Variants in GID4 observed in about 807,000 individuals in gnomAD.
The protein encoded by GID4 is GID complex subunit 4 homolog.
Under a neutral mutation model 32.4 loss-of-function variants are expected in GID4, and 7 were observed. The observed-to-expected ratio is 0.22, with a 90% CI of 0.12 to 0.41. GID4 has a LOEUF of 0.41. Ranked by LOEUF, GID4 falls within the 10% of genes least tolerant of loss-of-function variation. GID4 has a pLI of 1.00. For missense variants in GID4, 309 were observed against 400.0 expected (o/e 0.77, Z 1.94); for synonymous variants, 166 against 170.0 (o/e 0.98, Z 0.18).
At chr17:18,049,123 G>A (rs1387846198) in intron 2 of GID4, among the ~76,000 whole-genome samples, 2 of 151,386 alleles carry the variant, frequency 1.3e-5, no homozygotes, top group Non-Finnish European at 2.9e-5. Context: ...ATCGCCTGAG[G>A]TCAGGAGTTT....
chr17:18,051,110 T>A (rs2044905172), intron 2 of GID4, among the ~76,000 whole-genome samples: 2 of 152,194 alleles, frequency 1.3e-5, no homozygotes, highest in Admixed American at 6.5e-5. Context: ...GAATTATTCA[T>A]TAAGAAAACT....
rs748294787 is a variant in GID4 at position 18,056,743 on chromosome 17, G to A, written c.607-2125G>A. 4 of 1,550,608 alleles carry A rather than the reference G, an allele frequency of 2.6e-6. No individual in the cohort carries two copies. The South Asian group carries it at 4.8e-5, about 18-fold the overall frequency. ...CTGGATCTGCAGACTCTGCTAGACT[G>A]GACTGAAACATTTTGGGTGAGAGAG... On this transcript the variant is annotated intron_variant, in intron 3 of 5. Coordinates refer to ENST00000268719, the MANE Select transcript of GID4 (RefSeq NM_024052.5).
Position 18,068,193 on chromosome 17 carries a change from TACTA to T in GID4, c.*2953_*2956del, listed in dbSNP as rs752640831. On this transcript the variant is annotated 3_prime_UTR_variant, in exon 6 of 6. Transcript: ENST00000268719. ...ACTGTGTTGTATCGTGGTTTAAAAT[TACTA>T]ACAAGTTGTGGGAAAGAAAAATAAT... 16 of 152,778 alleles carry T rather than the reference TACTA, an allele frequency of 1.0e-4. No individual in the cohort carries two copies. The highest frequency in any genetic ancestry group is 2.6e-4 in the Admixed American group (4 of 15,304). 9.5% of individuals were successfully genotyped at this position (152,778 alleles called of 1,614,324 possible).
At chr17:18,045,286 T>C in intron 2 of GID4, 80 bp downstream of exon 2, 2 of 1,060,402 alleles carry the variant, frequency 1.9e-6, no homozygotes, top group Non-Finnish European at 2.9e-6. Context: ...GGGCAGGCGG[T>C]CTCAACTCCT....
rs200356540 is a variant in GID4, at chr17:18,057,388, T to C, written c.607-1480T>C. 263 of 201,290 alleles carry C rather than the reference T, an allele frequency of 1.3e-3. 4 individuals are homozygous for C. The highest frequency in any genetic ancestry group is 9.6e-3 in the East Asian group (80 of 8,304). The allele number at this position is 201,290 out of a possible 1,614,324, so 12.5% of individuals were successfully genotyped here. A position where few individuals can be genotyped will look rare whatever the true frequency, so the allele number is the denominator to read the frequency against. ...CGGAGATTGCAGTGAGCTGAGATCA[T>C]GCCATTGCACTCCAGCCTGAGCAAC... On this transcript the variant is annotated intron_variant, in intron 3 of 5. Transcript: ENST00000268719.
Position 18,061,148 on chromosome 17 carries a change from T to C in GID4, c.709-697T>C, listed in dbSNP as rs1474348838. On this transcript the variant is annotated intron_variant, in intron 4 of 5. Transcript: ENST00000268719. The surrounding 1 kb of genome is among the most constrained non-coding windows in gnomAD (Gnocchi z 4.4). ...GCTTGTTTTGCCTCCAAAGAATGTC[T>C]CAGAGTGGCTCATCTGTGGTCCTTT... Among the ~76,000 whole-genome samples the C allele has an allele frequency of 6.6e-6, 1 of 152,242 alleles. No individual in the cohort carries two copies. Among genetic ancestry groups the C allele is most frequent in the Non-Finnish European group, 1.5e-5 (1 of 68,046 alleles).
Position 18,045,203 on chromosome 17 carries a change from T to G in GID4, c.495T>G (p.Thr165=). 6.2e-7 allele frequency: 1 copy of G among 1,612,658 alleles called. No homozygotes were observed. The highest frequency in any genetic ancestry group is 8.5e-7 in the Non-Finnish European group (1 of 1,178,668). The change falls in exon 2 of 6, where the codon ACT becomes ACG. Residue 165 remains threonine (T), a synonymous_variant. Coordinates refer to ENST00000268719, the MANE Select transcript of GID4 (RefSeq NM_024052.5). The stretch of plus-strand genomic sequence containing the variant: ...GGTACTTGAAGATTAAAGGCCTTAC[T>G]GAGGTAAGCACTTGCTCACACAAAC... ...LCGYLKIKGL[T]EEYPTLTTFF...
intron 2 of GID4, among the ~76,000 whole-genome samples, chr17:18,047,568 G>A (rs989622683): frequency 6.6e-6 from 1 of 152,252 alleles, no homozygotes; most frequent in Non-Finnish European, 1.5e-5. Flanking sequence ...CTCCTTTGAG[G>A]AGGGGGCACT....
chr17:18,052,500 G>C (rs754183149), intron 2 of GID4, among the ~76,000 whole-genome samples: 1 of 152,148 alleles, frequency 6.6e-6, no homozygotes, highest in Non-Finnish European at 1.5e-5. Context: ...AAGGAAAAAC[G>C]TGGGCCTTCT....
At chr17:18,040,412 C>A (rs899507861) in intron 1 of GID4, among the ~76,000 whole-genome samples, 11 of 152,300 alleles carry the variant, frequency 7.2e-5, no homozygotes, top group South Asian at 2.1e-4. Flanking sequence ...GGTCTTCCTC[C>A]TCCTGAGATC....
chr17:18,051,689 T>C (rs900422275), intron 2 of GID4, among the ~76,000 whole-genome samples: 3 of 146,172 alleles, frequency 2.1e-5, no homozygotes, highest in Non-Finnish European at 3.0e-5. Context: ...AAAAAAAAAA[T>C]AGCTTCTAGT....
At chr17:18,049,064 A>G (rs1185059916) in intron 2 of GID4, among the ~76,000 whole-genome samples, 1 of 151,922 alleles carries the variant, frequency 6.6e-6, no homozygotes, top group Non-Finnish European at 1.5e-5. Context: ...GGCCAGGCAC[A>G]GTGGCTCATG....
chr17:18,056,839 G>A (rs1210181026), intron 3 of GID4: 1 of 1,550,432 alleles, frequency 6.4e-7, no homozygotes, highest in Non-Finnish European at 8.7e-7. Flanking sequence ...CCTATGGAGT[G>A]CTTCCTCCTC....
intron 2 of GID4, among the ~76,000 whole-genome samples, chr17:18,051,654 G>A (rs1164540841): frequency 6.6e-6 from 1 of 150,414 alleles, no homozygotes; most frequent in Non-Finnish European, 1.5e-5. Flanking sequence ...CAGCCTGGGC[G>A]ACAGAGCGAG....
At position 18,050,033 on chromosome 17, in the gene GID4, C is replaced by A. The variant is rs983006889; in HGVS notation, c.499-4094C>A. Among the ~76,000 whole-genome samples the A allele has an allele frequency of 2.6e-5, 4 of 152,290 alleles. No homozygotes were observed. The South Asian group carries it at 8.3e-4, about 32-fold the overall frequency. On this transcript the variant is annotated intron_variant, in intron 2 of 5. Coordinates refer to ENST00000268719, the MANE Select transcript of GID4 (RefSeq NM_024052.5). ...TAAGGATAACGGCCTCTAGCTCTAC[C>A]CGTGTTCACGCAAAAGACATGATCT... is the stretch of plus-strand genomic sequence containing the variant.
intron 4 of GID4, among the ~76,000 whole-genome samples, chr17:18,060,400 C>CAAAA (rs919974638): frequency 1.2e-3 from 56 of 45,314 alleles, no homozygotes; most frequent in East Asian, 2.0e-3. Flanking sequence ...TCTGTCTCAC[C>CAAAA]AAAAAAAAAA....
At chr17:18,049,897 T>C (rs1307423013) in intron 2 of GID4, among the ~76,000 whole-genome samples, 2 of 152,218 alleles carry the variant, frequency 1.3e-5, no homozygotes, top group African/African-American at 4.8e-5. Context: ...CCCAAAGTGC[T>C]GGGATTACAG....
intron 4 of GID4, among the ~76,000 whole-genome samples, chr17:18,060,703 C>G (rs1216146792): frequency 6.6e-6 from 1 of 151,572 alleles, no homozygotes; most frequent in Non-Finnish European, 1.5e-5. Context: ...CAAGCGCGTA[C>G]CACCACGCCT....
intron 1 of GID4, 39 bp from the exon 2 acceptor site, chr17:18,045,108 T>TA (rs752005134): frequency 1.3e-6 from 2 of 1,538,226 alleles, no homozygotes; most frequent in Admixed American, 3.4e-5. Flanking sequence ...CCTAGTAAGT[T>TA]TATCTATTTG....
Sources: gnomAD v4.1 joint callset for allele counts (sites outside exome capture counted in the v4.1 genomes callset) on GRCh38, gnomAD v4.1.1 for gene constraint, Gnocchi (gnomAD v3.1) non-coding constraint, MANE v1.5 for transcripts, NCBI Gene and HGNC (gene_info 2026-07-23, HGNC 2026-07-21) for gene names.